Variants in NXPE4 observed in about 807,000 individuals in gnomAD.
NXPE4 encodes NXPE family member 4.
In NXPE4, 42 loss-of-function variants were observed where a neutral mutation model predicts 33.3. That is an observed-to-expected ratio of 1.26 (90% confidence interval 0.98 to 1.63). The LOEUF is 1.63. NXPE4 is among the 40% of genes most tolerant of loss of function. NXPE4 has a pLI of 0.00. For missense variants in NXPE4, 709 were observed against 647.6 expected (o/e 1.09, Z -1.03); for synonymous variants, 253 against 234.9 (o/e 1.08, Z -0.71).
At chr11:114,645,320 TA>T in the NXPE4 span, among the ~76,000 whole-genome samples, 753 of 151,770 alleles carry the variant, frequency 5.0e-3, 7 homozygotes, top group Middle Eastern at 0.017. Context: ...TAAGTAAAAA[TA>T]AAAAAACCCA....
chr11:114,666,029 A>G, the NXPE4 span, among the ~76,000 whole-genome samples: 2 of 152,208 alleles, frequency 1.3e-5, no homozygotes, highest in African/African-American at 2.4e-5. Flanking sequence ...CTTCCACACT[A>G]TCCTGCATCT....
chr11:114,656,192 G>T, the NXPE4 span, among the ~76,000 whole-genome samples: 1 of 151,376 alleles, frequency 6.6e-6, no homozygotes, highest in African/African-American at 2.4e-5. Flanking sequence ...ACTACAAAGA[G>T]AATAAAATAC....
chr11:114,633,028 A>C, the NXPE4 span, among the ~76,000 whole-genome samples: 1 of 109,776 alleles, frequency 9.1e-6, no homozygotes, highest in Non-Finnish European at 1.7e-5. Flanking sequence ...TATATAATGT[A>C]ATATTTTATT....
At chr11:114,613,374 T>C in the NXPE4 span, among the ~76,000 whole-genome samples, 3 of 151,718 alleles carry the variant, frequency 2.0e-5, no homozygotes, top group African/African-American at 7.3e-5. Flanking sequence ...GGTTACCCTG[T>C]GGAAAATAAG....
chr11:114,638,197 G>A, the NXPE4 span, among the ~76,000 whole-genome samples: 7,437 of 151,372 alleles, frequency 0.049, 618 homozygotes, highest in African/African-American at 0.17. Flanking sequence ...TTCCCTTCTC[G>A]CTTCATTTCA....
At chr11:114,651,318 C>T in the NXPE4 span, among the ~76,000 whole-genome samples, 3 of 151,570 alleles carry the variant, frequency 2.0e-5, no homozygotes, top group South Asian at 6.3e-4. Context: ...AGCCGCAGAC[C>T]TTGTTACAGC....
chr11:114,630,461 G>A, the NXPE4 span, among the ~76,000 whole-genome samples: 3 of 151,618 alleles, frequency 2.0e-5, no homozygotes, highest in African/African-American at 4.9e-5. Context: ...GGGAAAACTG[G>A]CTAGCCATAT....
the NXPE4 span, among the ~76,000 whole-genome samples, chr11:114,644,248 C>G: frequency 6.6e-6 from 1 of 152,128 alleles, no homozygotes; most frequent in Admixed American, 6.6e-5. Context: ...ACCTTTATTT[C>G]TTTCTCTTGC....
chr11:114,676,621 G>A, the NXPE4 span, among the ~76,000 whole-genome samples: 1 of 151,992 alleles, frequency 6.6e-6, no homozygotes, highest in African/African-American at 2.4e-5. Flanking sequence ...TGATGGTGAG[G>A]AGAGGGAGAA....
At position 114,582,423 on chromosome 11, in the gene NXPE4, T is replaced by A; in HGVS notation, c.695A>T (p.Tyr232Phe). 1 of 1,614,200 alleles carries A rather than the reference T, an allele frequency of 6.2e-7. No individual in the cohort carries two copies. The highest frequency in any genetic ancestry group is 8.5e-7 in the Non-Finnish European group (1 of 1,180,000). ...GCCTTCTTGGTCTCTGTTGTCCAGG[T>A]ACTGGCACAATTCAGCATTTGTGTT... The part of the protein sequence containing the change: ...ILNTNAELCQ[Y>F]LDNRDQEGFY... The change falls in exon 3 of 6, where the codon TAC becomes TTC. Residue 232 changes from tyrosine (Y) to phenylalanine (F), a missense_variant. Transcript: ENST00000375478.
At chr11:114,606,464 C>A in the NXPE4 span, among the ~76,000 whole-genome samples, 1 of 150,170 alleles carries the variant, frequency 6.7e-6, no homozygotes, top group African/African-American at 2.5e-5. Context: ...AATGTGTTGC[C>A]TCTAGGGTAA....
chr11:114,675,686 A>G, the NXPE4 span, among the ~76,000 whole-genome samples: 3 of 151,960 alleles, frequency 2.0e-5, no homozygotes, highest in African/African-American at 7.2e-5. Flanking sequence ...AAAACATTCT[A>G]CAGATTTAAC....
chr11:114,663,619 ATC>A, the NXPE4 span, among the ~76,000 whole-genome samples: 2 of 95,222 alleles, frequency 2.1e-5, no homozygotes, highest in Non-Finnish European at 4.5e-5. Flanking sequence ...CTATCTATCT[ATC>A]TATCTATCTA....
At chr11:114,624,388 A>G in the NXPE4 span, among the ~76,000 whole-genome samples, 1 of 152,088 alleles carries the variant, frequency 6.6e-6, no homozygotes, top group Non-Finnish European at 1.5e-5. Context: ...CCGTTCAATG[A>G]TAAGTATTGC....
the NXPE4 span, among the ~76,000 whole-genome samples, chr11:114,663,678 TTATCTATC>T: frequency 2.7e-3 from 390 of 146,054 alleles, 1 homozygote; most frequent in African/African-American, 7.1e-3. Flanking sequence ...ATCTATCTAT[TTATCTATC>T]TATCTATCTA....
chr11:114,607,332 A>G, the NXPE4 span, among the ~76,000 whole-genome samples: 1 of 151,840 alleles, frequency 6.6e-6, no homozygotes, highest in Admixed American at 6.6e-5. Flanking sequence ...TAGCCCGTTG[A>G]TACTAAGTAT....
At chr11:114,594,398 GA>G (rs1949531312) in intron 2 of NXPE4, among the ~76,000 whole-genome samples, 1 of 152,128 alleles carries the variant, frequency 6.6e-6, no homozygotes, top group African/African-American at 2.4e-5. Context: ...TTCCCTTAAA[GA>G]AAGTAAAAAG....
the NXPE4 span, among the ~76,000 whole-genome samples, chr11:114,636,363 T>C: frequency 6.6e-6 from 1 of 152,086 alleles, no homozygotes; most frequent in Non-Finnish European, 1.5e-5. Context: ...TTTTTTTCTT[T>C]ATTAGTCTGC....
the NXPE4 span, among the ~76,000 whole-genome samples, chr11:114,648,516 C>G: frequency 2.0e-5 from 3 of 152,080 alleles, no homozygotes; most frequent in African/African-American, 7.2e-5. Context: ...CTAATTTAAA[C>G]GTTAATCTAC....
Sources: allele counts gnomAD v4.1 joint callset (sites outside exome capture counted in the v4.1 genomes callset), GRCh38; gene constraint gnomAD v4.1.1; transcripts MANE v1.5; gene names NCBI Gene and HGNC (gene_info 2026-07-23, HGNC 2026-07-21).